Variants in CDADC1 observed in about 807,000 individuals in gnomAD.
CDADC1 encodes cytidine and dCMP deaminase domain containing 1.
Under a neutral mutation model 54.9 loss-of-function variants are expected in CDADC1, and 39 were observed. The ratio of observed to expected loss-of-function variants is 0.71; its 90% CI spans 0.55 to 0.93. The LOEUF (loss-of-function observed/expected upper bound fraction) is 0.93, where lower values mean the gene tolerates loss of function less well. Ranked by LOEUF, CDADC1 falls within the 40% of genes least tolerant of loss-of-function variation. CDADC1 has a pLI of 0.00. For missense variants in CDADC1, 518 were observed against 618.8 expected (o/e 0.84, Z 1.73); for synonymous variants, 186 against 204.0 (o/e 0.91, Z 0.75).
At chr13:49,282,369 T>G (rs569722401) in intron 8 of CDADC1, among the ~76,000 whole-genome samples, 1 of 151,036 alleles carries the variant, frequency 6.6e-6, no homozygotes, top group South Asian at 2.1e-4. Context: ...TGCCTCAGCC[T>G]CCCAAAGTGC....
At chr13:49,269,297 TATACTTTTTACTTTTATAAAAA>T (rs1411940297) in intron 5 of CDADC1, among the ~76,000 whole-genome samples, 1 of 71,194 alleles carries the variant, frequency 1.4e-5, no homozygotes, top group East Asian at 8.0e-4. Context: ...GTACAGATGC[TATACTTTTTACTTTTATAAAAA>T]GTACAGATGC....
chr13:49,264,013 G>C (rs1162007108), intron 4 of CDADC1, among the ~76,000 whole-genome samples: 1 of 152,118 alleles, frequency 6.6e-6, no homozygotes, highest in East Asian at 1.9e-4. Context: ...TTTCTTATAA[G>C]GTCAACCACC....
chr13:49,258,396 A>G (rs1210318923), intron 3 of CDADC1, among the ~76,000 whole-genome samples: 3 of 152,226 alleles, frequency 2.0e-5, no homozygotes, highest in African/African-American at 7.2e-5. Flanking sequence ...TTGCTGTGAA[A>G]ACAGCATAGA....
At chr13:49,272,188 G>A (rs988584661) in intron 5 of CDADC1, among the ~76,000 whole-genome samples, 2 of 152,006 alleles carry the variant, frequency 1.3e-5, no homozygotes. Context: ...CTTTTAATAT[G>A]GAGAATTTTT....
chr13:49,278,705 G>A (rs1233471274), intron 7 of CDADC1, among the ~76,000 whole-genome samples, 186 bp downstream of exon 7: 5 of 152,172 alleles, frequency 3.3e-5, no homozygotes, highest in Middle Eastern at 3.4e-3. Context: ...TGAGGTCATC[G>A]CCTCTTCAGG....
At chr13:49,252,868 T>C (rs1254506778) in intron 2 of CDADC1, among the ~76,000 whole-genome samples, 1 of 152,218 alleles carries the variant, frequency 6.6e-6, no homozygotes, top group Non-Finnish European at 1.5e-5. Flanking sequence ...TTCATATGCA[T>C]GTAGTATATG....
rs1356075522 is a variant in CDADC1, at chr13:49,267,833, A to T, written c.774A>T (p.Ile258=). The stretch of plus-strand genomic sequence containing the variant: ...TGCATAAGCAAATACTGATGACTAT[A>T]GGTTTGGAGAACCTGTGTGAAAATC... ...EEMHKQILMT[I]GLENLCENPY... The change falls in exon 5 of 10, where the codon ATA becomes ATT. Residue 258 remains isoleucine, a synonymous_variant. Transcript: ENST00000251108. 7.4e-6 allele frequency: 12 copies of T among 1,613,722 alleles called. No individual in the cohort carries two copies. Among genetic ancestry groups the T allele is most frequent in the Non-Finnish European group, 1.0e-5 (12 of 1,179,754 alleles).
intron 9 of CDADC1, among the ~76,000 whole-genome samples, chr13:49,291,345 T>TA (rs1278610933): frequency 3.8e-5 from 1 of 26,564 alleles, no homozygotes; most frequent in Non-Finnish European, 1.3e-4. Flanking sequence ...AAAAAAAAAA[T>TA]TTTTTTTGTA....
intron 5 of CDADC1, among the ~76,000 whole-genome samples, chr13:49,268,337 C>G: frequency 6.6e-6 from 1 of 152,088 alleles, no homozygotes; most frequent in Non-Finnish European, 1.5e-5. Flanking sequence ...TTCACTGTTC[C>G]TTGAGCCCTC....
rs1025605066 is a variant in CDADC1 at position 49,292,160 on chromosome 13, G to A, written c.*403G>A. 4 of 1,006,614 alleles carry A rather than the reference G, an allele frequency of 4.0e-6. No homozygotes were observed. The highest frequency in any genetic ancestry group is 4.8e-6 in the Non-Finnish European group (4 of 841,658). The allele number at this position is 1,006,614 out of a possible 1,614,324, so 62.4% of individuals were successfully genotyped here. A position where few individuals can be genotyped will look rare whatever the true frequency, so the allele number is the denominator to read the frequency against. On this transcript the variant is annotated 3_prime_UTR_variant, in exon 10 of 10. Transcript: ENST00000251108. ...TTTTGAATTACAAGAGTGACAGTTA[G>A]TAAACTGCTCCAGGGAAATAAGTGT...
chr13:49,282,985 A>G (rs1392920229), intron 8 of CDADC1, among the ~76,000 whole-genome samples: 1 of 152,252 alleles, frequency 6.6e-6, no homozygotes, highest in Non-Finnish European at 1.5e-5. Context: ...CCAGAATCAT[A>G]CATTGTTTCT....
At chr13:49,269,513 C>T (rs886935672) in intron 5 of CDADC1, among the ~76,000 whole-genome samples, 52 of 152,206 alleles carry the variant, frequency 3.4e-4, no homozygotes, top group Non-Finnish European at 1.5e-5. Flanking sequence ...TTATATGACC[C>T]CAAACAATTG....
chr13:49,258,409 G>A (rs1952599454), intron 3 of CDADC1, among the ~76,000 whole-genome samples: 1 of 152,126 alleles, frequency 6.6e-6, no homozygotes, highest in South Asian at 2.1e-4. Context: ...AGCATAGACT[G>A]TTTTGTGCCT....
At chr13:49,285,144 T>G (rs889324812) in intron 8 of CDADC1, among the ~76,000 whole-genome samples, 2 of 151,818 alleles carry the variant, frequency 1.3e-5, no homozygotes, top group African/African-American at 4.8e-5. Flanking sequence ...GTAATCTTGG[T>G]CATATTTTCT....
intron 4 of CDADC1, among the ~76,000 whole-genome samples, chr13:49,264,730 A>G (rs1952775113): frequency 6.6e-6 from 1 of 152,106 alleles, no homozygotes; most frequent in Non-Finnish European, 1.5e-5. Flanking sequence ...TAAAAAAAAA[A>G]AAAAAGGTAT....
chr13:49,287,721 C>T (rs1953564568), intron 9 of CDADC1, among the ~76,000 whole-genome samples: 1 of 152,130 alleles, frequency 6.6e-6, no homozygotes, highest in African/African-American at 2.4e-5. Flanking sequence ...CCTGTAATCC[C>T]AGTGCTTTGG....
intron 3 of CDADC1, among the ~76,000 whole-genome samples, chr13:49,257,776 CA>C (rs1406860041): frequency 6.6e-6 from 1 of 151,976 alleles, no homozygotes; most frequent in Non-Finnish European, 1.5e-5. Flanking sequence ...ATCAATCAAT[CA>C]ATCAATCAGT....
intron 8 of CDADC1, among the ~76,000 whole-genome samples, chr13:49,282,066 C>T (rs1953357769): frequency 6.6e-6 from 1 of 152,104 alleles, no homozygotes; most frequent in East Asian, 1.9e-4. Context: ...GATACACCGG[C>T]CTCGGCCACC....
At chr13:49,268,343 C>T (rs935605948) in intron 5 of CDADC1, among the ~76,000 whole-genome samples, 23 of 151,994 alleles carry the variant, frequency 1.5e-4, no homozygotes, top group Non-Finnish European at 2.9e-4. Context: ...GTTCCTTGAG[C>T]CCTCCACTAA....
Sources: gnomAD v4.1 joint callset for allele counts (sites outside exome capture counted in the v4.1 genomes callset) on GRCh38, gnomAD v4.1.1 for gene constraint, MANE v1.5 for transcripts, NCBI Gene and HGNC (gene_info 2026-07-23, HGNC 2026-07-21) for gene names.